Variants in LINGO2 observed in about 807,000 individuals in gnomAD.
LINGO2 encodes the protein leucine-rich repeat and immunoglobulin-like domain-containing nogo receptor-interacting protein 2.
A neutral mutation model predicts 30.6 loss-of-function variants in LINGO2; 14 were observed. The ratio of observed to expected loss-of-function variants is 0.46; its 90% confidence interval spans 0.30 to 0.72. The LOEUF (loss-of-function observed/expected upper bound fraction) is 0.72. LINGO2 is among the 30% of genes least tolerant of loss of function. The pLI is 0.07. For missense variants in LINGO2, 729 were observed against 751.7 expected, an observed-to-expected ratio of 0.97 and a Z score of 0.35; for synonymous variants, 317 against 288.5, an observed-to-expected ratio of 1.10 and a Z score of -1.00.
At chr9:29,102,459 G>A in the LINGO2 span, among the ~76,000 whole-genome samples, 7,275 of 152,228 alleles carry the variant, frequency 0.048, 237 homozygotes, top group East Asian at 0.1. Flanking sequence ...GGGAGCTGGC[G>A]TATAAAAGAG....
chr9:28,655,552 G>C (rs187288790), intron 1 of LINGO2, among the ~76,000 whole-genome samples: 1 of 151,920 alleles, frequency 6.6e-6, no homozygotes, highest in Non-Finnish European at 1.5e-5. Flanking sequence ...GAATAATATG[G>C]TTAGATTTTG....
chr9:28,387,570 T>C (rs1929822), intron 2 of LINGO2, among the ~76,000 whole-genome samples: 52,232 of 152,032 alleles, frequency 0.34, 10,224 homozygotes, highest in Non-Finnish European at 0.42. Context: ...GTCCACACAG[T>C]CTTTATGAGC....
At chr9:28,699,828 G>A in the LINGO2 span, among the ~76,000 whole-genome samples, 3 of 151,826 alleles carry the variant, frequency 2.0e-5, no homozygotes, top group Admixed American at 1.3e-4. Flanking sequence ...GATAAGCCCT[G>A]GTCTCCTGCA....
At position 28,395,245 on chromosome 9, in the gene LINGO2, A is replaced by T. The variant is rs375570507; in HGVS notation, c.-278-22377T>A. 3.5e-4 allele frequency among the ~76,000 whole-genome samples: 53 copies of T among 152,296 alleles called. No homozygotes were observed. In the South Asian group the frequency reaches 0.011, roughly 32 times the overall value. Reference sequence around the variant, plus strand: ...TCATAAAATAGAATAAAATAGGTAAACTATGTAGTTATAAGAAACGAAGGA... The same window carrying T: ...TCATAAAATAGAATAAAATAGGTAATCTATGTAGTTATAAGAAACGAAGGA... On this transcript the variant is annotated intron_variant, in intron 2 of 5. Transcript: ENST00000379992.
the LINGO2 span, among the ~76,000 whole-genome samples, chr9:28,893,410 A>G: frequency 1.5e-4 from 23 of 152,076 alleles, no homozygotes; most frequent in South Asian, 4.4e-3. Context: ...GAGAAAGTCT[A>G]TTTATTTTTA....
intron 4 of LINGO2, among the ~76,000 whole-genome samples, chr9:28,080,335 C>T (rs1047223411): frequency 1.3e-5 from 2 of 152,134 alleles, no homozygotes; most frequent in Admixed American, 6.6e-5. Flanking sequence ...CTTCTTCTGT[C>T]GCTCTTTTAC....
intron 1 of LINGO2, among the ~76,000 whole-genome samples, chr9:28,615,362 T>C (rs1345429989): frequency 6.6e-6 from 1 of 152,102 alleles, no homozygotes; most frequent in Non-Finnish European, 1.5e-5. Flanking sequence ...AATAAACAGA[T>C]CTCAGATTTA....
the LINGO2 span, among the ~76,000 whole-genome samples, chr9:29,076,771 T>C: frequency 6.6e-6 from 1 of 151,874 alleles, no homozygotes; most frequent in Non-Finnish European, 1.5e-5. Flanking sequence ...TTCTGTTACC[T>C]TGGACAAGCC....
chr9:28,359,002 C>T (rs909873861), intron 3 of LINGO2, among the ~76,000 whole-genome samples: 1 of 152,112 alleles, frequency 6.6e-6, no homozygotes, highest in South Asian at 2.1e-4. Flanking sequence ...TTTTGAGACA[C>T]CAGAGAGATT....
chr9:28,787,748 T>C, the LINGO2 span, among the ~76,000 whole-genome samples: 1 of 151,852 alleles, frequency 6.6e-6, no homozygotes, highest in South Asian at 2.1e-4. Flanking sequence ...GAAACATCTC[T>C]TATTTACTAT....
chr9:28,469,758 T>C (rs1825448859), intron 2 of LINGO2, among the ~76,000 whole-genome samples: 1 of 152,128 alleles, frequency 6.6e-6, no homozygotes, highest in African/African-American at 2.4e-5. Flanking sequence ...AATTAAAACA[T>C]TCACCAGACA....
the LINGO2 span, among the ~76,000 whole-genome samples, chr9:29,185,337 A>T: frequency 2.0e-5 from 3 of 152,156 alleles, no homozygotes; most frequent in Non-Finnish European, 4.4e-5. Flanking sequence ...CCTTGATAGG[A>T]AAAATTGCAA....
At chr9:28,311,282 C>T (rs1021500098) in intron 3 of LINGO2, among the ~76,000 whole-genome samples, 1 of 152,036 alleles carries the variant, frequency 6.6e-6, no homozygotes, top group Non-Finnish European at 1.5e-5. Flanking sequence ...ATCACAGGAC[C>T]ACAGGACCGG....
chr9:28,127,759 T>G (rs1397261697), intron 4 of LINGO2, among the ~76,000 whole-genome samples: 1 of 152,200 alleles, frequency 6.6e-6, no homozygotes, highest in Admixed American at 6.5e-5. Context: ...AATTCCCAGG[T>G]AGGAAAATAA....
intron 1 of LINGO2, among the ~76,000 whole-genome samples, chr9:28,550,798 T>G (rs1822240204): frequency 6.6e-6 from 1 of 151,928 alleles, no homozygotes; most frequent in Admixed American, 6.6e-5. Context: ...ATAATGTTTA[T>G]AAAATTCTTG....
the LINGO2 span, among the ~76,000 whole-genome samples, chr9:28,705,991 C>T: frequency 6.6e-6 from 1 of 151,934 alleles, no homozygotes; most frequent in Non-Finnish European, 1.5e-5. Flanking sequence ...AACTTCCAAG[C>T]TCCTTACTTT....
chr9:28,019,271 C>G (rs60003917), intron 4 of LINGO2, among the ~76,000 whole-genome samples: 24,595 of 148,570 alleles, frequency 0.17, 2,187 homozygotes, highest in South Asian at 0.25. Context: ...GAACCTAAAA[C>G]TTAAAAAAAA....
the LINGO2 span, among the ~76,000 whole-genome samples, chr9:28,995,984 A>C: frequency 3.3e-5 from 5 of 151,132 alleles, no homozygotes; most frequent in Non-Finnish European, 7.4e-5. Flanking sequence ...ACTAATCTGC[A>C]CATTGTGCAC....
chr9:28,822,167 G>A, the LINGO2 span, among the ~76,000 whole-genome samples: 1 of 152,090 alleles, frequency 6.6e-6, no homozygotes, highest in Non-Finnish European at 1.5e-5. Context: ...GGGGAAAAGA[G>A]AAGAATCTCA....
Sources: allele counts gnomAD v4.1 joint callset (sites outside exome capture counted in the v4.1 genomes callset), GRCh38; gene constraint gnomAD v4.1.1; transcripts MANE v1.5; gene names NCBI Gene and HGNC (gene_info 2026-07-23, HGNC 2026-07-21).